SEMA5A: variants seen among roughly 807,000 people sequenced by gnomAD.
SEMA5A encodes semaphorin 5A.
Under a neutral mutation model 135.5 loss-of-function variants are expected in SEMA5A, and 55 were observed. The ratio of observed to expected loss-of-function variants is 0.41; its 90% CI spans 0.33 to 0.51. The LOEUF (loss-of-function observed/expected upper bound fraction) is 0.51. SEMA5A is among the 20% of genes least tolerant of loss of function. The pLI is 0.37. For missense variants in SEMA5A, 1,290 were observed against 1,419.9 expected (o/e 0.91, Z 1.47); for synonymous variants, 580 against 546.5 (o/e 1.06, Z -0.85).
At chr5:9,133,062 G>T (rs962741649) in intron 13 of SEMA5A, among the ~76,000 whole-genome samples, 7 of 151,974 alleles carry the variant, frequency 4.6e-5, no homozygotes, top group African/African-American at 1.7e-4. Flanking sequence ...TTGTTTCTTA[G>T]CAACATATAA....
intron 16 of SEMA5A, among the ~76,000 whole-genome samples, chr5:9,096,764 C>A (rs910802684): frequency 6.6e-6 from 1 of 151,922 alleles, no homozygotes; most frequent in Non-Finnish European, 1.5e-5. Flanking sequence ...ATATATATGA[C>A]CCAATTAAGA....
chr5:9,231,648 G>T (rs890302072), intron 6 of SEMA5A, among the ~76,000 whole-genome samples: 2 of 152,084 alleles, frequency 1.3e-5, no homozygotes, highest in African/African-American at 2.4e-5. Flanking sequence ...CTTGCTTGAA[G>T]TACTGCTTGG....
rs142892047 is a variant in SEMA5A, at chr5:9,149,214, G to A, written c.1481+5274C>T. Among the ~76,000 whole-genome samples the A allele has an allele frequency of 3.6e-3, 548 of 152,322 alleles. 4 individuals carry two copies. The highest frequency in any genetic ancestry group is 0.012 in the African/African-American group (510 of 41,564). Reference sequence around the variant, plus strand: ...TATGGTCTATGGCTGCTTTCACACTGCAAGGGAAGAGCTGAGGAGTTTCAA... The same window carrying A: ...TATGGTCTATGGCTGCTTTCACACTACAAGGGAAGAGCTGAGGAGTTTCAA... On this transcript the variant is annotated intron_variant, in intron 12 of 22. Coordinates refer to ENST00000382496, the MANE Select transcript of SEMA5A (RefSeq NM_003966.3).
At chr5:9,239,315 G>C (rs1806004) in intron 5 of SEMA5A, among the ~76,000 whole-genome samples, 8,135 of 152,166 alleles carry the variant, frequency 0.053, 293 homozygotes, top group Middle Eastern at 0.2. Context: ...CATAATGTTT[G>C]ATGGTAACAA....
chr5:9,388,898 CA>C (rs111310656), intron 2 of SEMA5A, among the ~76,000 whole-genome samples: 28 of 136,526 alleles, frequency 2.1e-4, no homozygotes, highest in Admixed American at 2.9e-4. Flanking sequence ...GACTCCGTCT[CA>C]AAAAAAAAAA....
intron 18 of SEMA5A, among the ~76,000 whole-genome samples, chr5:9,058,223 C>T (rs1366639345): frequency 1.3e-5 from 2 of 152,188 alleles, no homozygotes; most frequent in African/African-American, 4.8e-5. Context: ...TCCATCCTCA[C>T]AACTGCCCTG....
intron 2 of SEMA5A, among the ~76,000 whole-genome samples, chr5:9,380,578 T>C (rs1755554366): frequency 6.6e-6 from 1 of 152,254 alleles, no homozygotes; most frequent in Non-Finnish European, 1.5e-5. Context: ...CAGGATAACC[T>C]TTTAAAATTG....
intron 16 of SEMA5A, among the ~76,000 whole-genome samples, chr5:9,102,996 T>G (rs1197842832): frequency 6.6e-6 from 1 of 152,174 alleles, no homozygotes; most frequent in African/African-American, 2.4e-5. Context: ...ATACAAAATA[T>G]ACCTGTTTGG....
At chr5:9,368,690 T>C (rs1755014976) in intron 3 of SEMA5A, among the ~76,000 whole-genome samples, 1 of 152,230 alleles carries the variant, frequency 6.6e-6, no homozygotes, top group Non-Finnish European at 1.5e-5. Context: ...TTTAGCATGA[T>C]ACTCTGAGAT....
intron 1 of SEMA5A, among the ~76,000 whole-genome samples, chr5:9,533,289 T>TGCA (rs1480792546): frequency 4.6e-5 from 7 of 152,202 alleles, no homozygotes; most frequent in South Asian, 2.1e-4. Flanking sequence ...GACATGCTCC[T>TGCA]AGTTACAACA....
intron 1 of SEMA5A, among the ~76,000 whole-genome samples, chr5:9,460,551 A>G: frequency 6.6e-6 from 1 of 152,314 alleles, no homozygotes; most frequent in Non-Finnish European, 1.5e-5. Flanking sequence ...GTAATAAAAT[A>G]TAATATGCTA....
chr5:9,389,983 A>G (rs538637429), intron 2 of SEMA5A, among the ~76,000 whole-genome samples: 1 of 152,330 alleles, frequency 6.6e-6, no homozygotes, highest in East Asian at 1.9e-4. Context: ...AAGTGGATTG[A>G]TGGAGAAAAA....
At chr5:9,227,699 C>T (rs1332227500) in intron 6 of SEMA5A, among the ~76,000 whole-genome samples, 6 of 152,052 alleles carry the variant, frequency 3.9e-5, no homozygotes, top group Admixed American at 6.5e-5. Flanking sequence ...TACAGGTGCC[C>T]GCCACCACGC....
At chr5:9,482,194 C>T (rs1420542984) in intron 1 of SEMA5A, among the ~76,000 whole-genome samples, 1 of 152,130 alleles carries the variant, frequency 6.6e-6, no homozygotes, top group Non-Finnish European at 1.5e-5. Context: ...CAGTACCTGA[C>T]ATTTCACCCA....
chr5:9,496,875 A>T (rs1000999748), intron 1 of SEMA5A, among the ~76,000 whole-genome samples: 1 of 152,206 alleles, frequency 6.6e-6, no homozygotes, highest in Non-Finnish European at 1.5e-5. Context: ...CCATAAAACC[A>T]CACACACAAC....
chr5:9,156,856 T>C (rs1175052997), intron 11 of SEMA5A, among the ~76,000 whole-genome samples: 4 of 152,274 alleles, frequency 2.6e-5, no homozygotes, highest in Non-Finnish European at 5.9e-5. Flanking sequence ...AATGTCAATA[T>C]GCTCATATGT....
intron 1 of SEMA5A, among the ~76,000 whole-genome samples, chr5:9,540,070 G>T (rs541882108): frequency 6.6e-6 from 1 of 152,258 alleles, no homozygotes; most frequent in South Asian, 2.1e-4. Context: ...CTTTCTCTCA[G>T]TATACTCTAT....
At chr5:9,484,633 T>C (rs1056130589) in intron 1 of SEMA5A, among the ~76,000 whole-genome samples, 2 of 152,248 alleles carry the variant, frequency 1.3e-5, no homozygotes, top group Admixed American at 6.5e-5. Flanking sequence ...TCATTATAAA[T>C]GCCATCACAG....
At chr5:9,506,217 A>G (rs1397574766) in intron 1 of SEMA5A, among the ~76,000 whole-genome samples, 1 of 152,226 alleles carries the variant, frequency 6.6e-6, no homozygotes, top group Non-Finnish European at 1.5e-5. Flanking sequence ...TTAGCAGGCT[A>G]TGTAAATTGC....
Sources: gnomAD v4.1 joint callset for allele counts (sites outside exome capture counted in the v4.1 genomes callset) on GRCh38, gnomAD v4.1.1 for gene constraint, MANE v1.5 for transcripts, NCBI Gene and HGNC (gene_info 2026-07-23, HGNC 2026-07-21) for gene names.